The following RRM2 variants were observed in gnomAD, a reference collection of about 807,000 sequenced individuals.
RRM2 encodes the protein ribonucleotide reductase regulatory subunit M2.
RRM2 carries 6 observed loss-of-function variants against 45.9 expected under a neutral mutation model. The ratio of observed to expected loss-of-function variants is 0.13; its 90% confidence interval spans 0.07 to 0.26. The LOEUF (loss-of-function observed/expected upper bound fraction) is 0.26. Ranked by LOEUF, RRM2 falls within the 10% of genes least tolerant of loss-of-function variation. The pLI, the probability that RRM2 is intolerant of heterozygous loss-of-function variation, is 1.00. For missense variants in RRM2, 343 were observed against 489.5 expected, an observed-to-expected ratio of 0.70 and a Z score of 2.82; for synonymous variants, 177 against 173.0, an observed-to-expected ratio of 1.02 and a Z score of -0.18.
chr2:10,148,856 G>A (rs1459715544), intron 3 of RRM2, among the ~76,000 whole-genome samples: 7 of 152,100 alleles, frequency 4.6e-5, no homozygotes, highest in African/African-American at 1.7e-4. Flanking sequence ...TGGGTCCTTT[G>A]TAGATCTTCC....
rs747985105 is a variant in RRM2, at chr2:10,123,465, A to G, written c.253A>G (p.Ile85Val). 10 of 1,614,016 alleles carry G rather than the reference A, an allele frequency of 6.2e-6. No individual in the cohort carries two copies. Among genetic ancestry groups the G allele is most frequent in the Admixed American group, 1.7e-5 (1 of 59,996 alleles). ...ENPRRFVIFP[I>V]EYHDIWQMYK... is the part of the protein sequence containing the mutation. The stretch of plus-strand genomic sequence containing the variant: ...CCCCCGCCGCTTTGTCATCTTCCCC[A>G]TCGAGTACCATGATATCTGGCAGAT... Residue 85 changes from isoleucine to valine, a missense_variant, in exon 3 of 10, where the codon ATC (isoleucine) becomes GTC (valine). Physicochemically the swap from Ile to Val is conservative, Grantham distance 29. Coordinates refer to ENST00000304567, the MANE Select transcript of RRM2 (RefSeq NM_001034.4).
Position 10,126,205 on chromosome 2 carries a change from C to G in RRM2, c.570-670C>G, listed in dbSNP as rs1662777795. 4.3e-5 allele frequency among the ~76,000 whole-genome samples: 5 copies of G among 117,438 alleles called. 1 individual carries two copies. The highest frequency in any genetic ancestry group is 1.1e-4 in the African/African-American group (3 of 27,948). 77.0% of individuals were successfully genotyped at this position (117,438 alleles called of 152,430 possible). On this transcript the variant is annotated intron_variant, in intron 5 of 9. Transcript: ENST00000304567. ...AAAAAAAAAAAAAGCTGCCCAATGT[C>G]TGGTGCCCTTGGCTTCAGAACACAA...
intron 3 of RRM2, among the ~76,000 whole-genome samples, chr2:10,158,936 C>T (rs575522371): frequency 3.3e-5 from 5 of 152,326 alleles, no homozygotes; most frequent in Non-Finnish European, 5.9e-5. Flanking sequence ...CGTCCCCAGA[C>T]CTTCACCTTG....
intron 3 of RRM2, chr2:10,155,186 C>G (rs1663399321): frequency 3.1e-6 from 1 of 320,924 alleles, no homozygotes. Flanking sequence ...CAGCAAAACA[C>G]TAGTCTTGAT....
At position 10,204,579 on chromosome 2, in the gene RRM2, G is replaced by A. The variant is rs750229335; in HGVS notation, n.483-5732G>A. Among the ~76,000 whole-genome samples, 7 of 152,208 alleles carry A rather than the reference G, an allele frequency of 4.6e-5. No individual in the cohort carries two copies. The highest frequency in any genetic ancestry group is 7.3e-5 in the Non-Finnish European group (5 of 68,042). ...CCCAGCCCTGGGTGCAGGGAGGTGCGGTTTGCTCTCAGAGGAGCAGCTAGC... is the reference window on the plus strand; with the variant it reads ...CCCAGCCCTGGGTGCAGGGAGGTGCAGTTTGCTCTCAGAGGAGCAGCTAGC... On this transcript the variant is annotated intron_variant and non_coding_transcript_variant, in intron 3 of 3. Coordinates refer to the RRM2 transcript ENST00000381786. The surrounding 1 kb of genome is among the most constrained non-coding windows in gnomAD (Gnocchi z 4.0).
chr2:10,132,137 C>A (rs1431045713), downstream of RRM2, among the ~76,000 whole-genome samples: 1 of 152,224 alleles, frequency 6.6e-6, no homozygotes, highest in South Asian at 2.1e-4. Flanking sequence ...TCATGACACC[C>A]ATCCCCAAAC....
chr2:10,166,711 G>A (rs145568875), intron 3 of RRM2, among the ~76,000 whole-genome samples: 2 of 152,338 alleles, frequency 1.3e-5, no homozygotes, highest in African/African-American at 4.8e-5. Context: ...TCCCTATGGC[G>A]CACCAGCTGC....
At chr2:10,198,433 C>T (rs370040332) in intron 3 of RRM2, among the ~76,000 whole-genome samples, 5 of 150,808 alleles carry the variant, frequency 3.3e-5, no homozygotes, top group Admixed American at 6.6e-5. Flanking sequence ...GACAGGGTCT[C>T]GTGCTGTTGC....
At chr2:10,181,750 CTCTCTTTT>C (rs1311339241) in intron 3 of RRM2, among the ~76,000 whole-genome samples, 1 of 79,232 alleles carries the variant, frequency 1.3e-5, no homozygotes, top group Admixed American at 1.4e-4. Flanking sequence ...CTCTCTCTCT[CTCTCTTTT>C]TTTTTTTTTT....
intron 3 of RRM2, among the ~76,000 whole-genome samples, chr2:10,179,165 T>C (rs1242437528): frequency 1.3e-5 from 2 of 152,160 alleles, no homozygotes; most frequent in Non-Finnish European, 2.9e-5. Flanking sequence ...TTTGTTTGTT[T>C]GTTTTGAGAC....
chr2:10,143,333 A>G (rs1321388807), intron 3 of RRM2, among the ~76,000 whole-genome samples: 1 of 152,210 alleles, frequency 6.6e-6, no homozygotes, highest in African/African-American at 2.4e-5. Context: ...GTGAGGCCAG[A>G]TTAGGGGCCT....
chr2:10,175,933 G>A (rs1663906540), intron 3 of RRM2, among the ~76,000 whole-genome samples: 1 of 152,100 alleles, frequency 6.6e-6, no homozygotes, highest in African/African-American at 2.4e-5. Flanking sequence ...GACCATTCTA[G>A]GTACCTCCTA....
chr2:10,177,521 C>A (rs1433311835), intron 3 of RRM2, among the ~76,000 whole-genome samples: 5 of 152,102 alleles, frequency 3.3e-5, no homozygotes, highest in African/African-American at 9.7e-5. Flanking sequence ...ATTCAATGTC[C>A]TCAGATCTCC....
upstream of RRM2, among the ~76,000 whole-genome samples, chr2:10,137,557 T>C (rs1663011724): frequency 2.0e-5 from 3 of 152,212 alleles, no homozygotes; most frequent in Admixed American, 2.0e-4. Flanking sequence ...GGGGCCACTT[T>C]CAGTTTGCTT....
At chr2:10,142,952 C>A (rs984737670) in intron 3 of RRM2, among the ~76,000 whole-genome samples, 3 of 152,258 alleles carry the variant, frequency 2.0e-5, no homozygotes, top group Non-Finnish European at 2.9e-5. Flanking sequence ...CGACTCACTA[C>A]AAGCTCTGCC....
chr2:10,177,869 G>A (rs1480699174), intron 3 of RRM2, among the ~76,000 whole-genome samples: 11 of 151,200 alleles, frequency 7.3e-5, no homozygotes, highest in Admixed American at 3.9e-4. Flanking sequence ...TGATCCACCC[G>A]CCTCAGCCTC....
In RRM2 at chr2:10,127,132, C is replaced by T. The variant is rs1219180933; in HGVS notation, c.710C>T (p.Ser237Phe). The T allele has an allele frequency of 6.2e-7, 1 of 1,614,160 alleles. No homozygotes were observed. Among genetic ancestry groups the T allele is most frequent in the Non-Finnish European group, 8.5e-7 (1 of 1,180,020 alleles). The change falls in exon 7 of 10, where the codon TCC (serine) becomes TTC (phenylalanine). Residue 237 changes from serine (S) to phenylalanine (F), a missense_variant. Ser to Phe is a radical substitution (Grantham distance 155). Coordinates refer to ENST00000304567, the MANE Select transcript of RRM2 (RefSeq NM_001034.4). This position sits in a 1 kb window ranked among gnomAD's most constrained non-coding sequence, Gnocchi z 4.1. Reference sequence around the variant, plus strand: ...GCTGCAGTGGAAGGCATTTTCTTTTCCGGTTCTTTTGCGTCGATATTCTGG... The same window carrying T: ...GCTGCAGTGGAAGGCATTTTCTTTTTCGGTTCTTTTGCGTCGATATTCTGG... ...AFAAVEGIFF[S>F]GSFASIFWLK... is the part of the protein sequence containing the mutation.
At chr2:10,139,584 T>C (rs2125311275), upstream of RRM2, among the ~76,000 whole-genome samples, 1 of 152,312 alleles carries the variant, frequency 6.6e-6, no homozygotes, top group Non-Finnish European at 1.5e-5. Context: ...GTTAGTGGAT[T>C]TGGGGTCTGT....
chr2:10,129,352 C>T lies in RRM2; in HGVS notation c.1136C>T (p.Thr379Ile). ...YQRMGVMSSP[T>I]ENSFTLDADF Reference sequence around the variant, plus strand: ...AGGATGGGAGTGATGTCAAGTCCAACAGAGAATTCTTTTACCTTGGATGCT... The same window carrying T: ...AGGATGGGAGTGATGTCAAGTCCAATAGAGAATTCTTTTACCTTGGATGCT... The change falls in exon 10 of 10, where the codon ACA becomes ATA. Residue 379 changes from threonine (T) to isoleucine (I), a missense_variant. Transcript: ENST00000304567. The surrounding 1 kb of genome is among the most constrained non-coding windows in gnomAD (Gnocchi z 4.8). The T allele has an allele frequency of 6.2e-7, 1 of 1,613,262 alleles. No individual in the cohort carries two copies. The highest frequency in any genetic ancestry group is 8.5e-7 in the Non-Finnish European group (1 of 1,179,756).
Sources: gnomAD v4.1 joint callset for allele counts (sites outside exome capture counted in the v4.1 genomes callset) on GRCh38, gnomAD v4.1.1 for gene constraint, Gnocchi (gnomAD v3.1) non-coding constraint, MANE v1.5 for transcripts, NCBI Gene and HGNC (gene_info 2026-07-23, HGNC 2026-07-21) for gene names.